Variants in SVBP observed in about 807,000 individuals in gnomAD.
SVBP encodes small vasohibin-binding protein.
A neutral mutation model predicts 9.2 loss-of-function variants in SVBP; 9 were observed. That is an observed-to-expected ratio of 0.98 (90% CI 0.59 to 1.71). SVBP has a LOEUF of 1.71. Among genes scored for constraint, SVBP ranks in the 40% most tolerant of loss-of-function variants. The probability of loss-of-function intolerance (pLI) is 0.00; values close to 1 mark genes in which losing one functional copy is unlikely to be tolerated. For missense variants in SVBP, 63 were observed against 73.2 expected, an observed-to-expected ratio of 0.86 and a Z score of 0.51; for synonymous variants, 27 against 23.9, an observed-to-expected ratio of 1.13 and a Z score of -0.37.
rs561326428 is a variant in SVBP at position 42,814,633 on chromosome 1, A to C, written c.114+1798T>G. On this transcript the variant is annotated intron_variant, in intron 2 of 2. Transcript: ENST00000372521. ...TCCGTCTCAAAAAAAAAAGAGACTCACCATCAGAGAAATGCAAATCAAAAC... is the reference window on the plus strand; with the variant it reads ...TCCGTCTCAAAAAAAAAAGAGACTCCCCATCAGAGAAATGCAAATCAAAAC... Among the ~76,000 whole-genome samples the C allele has an allele frequency of 2.6e-5, 4 of 151,990 alleles. No homozygotes were observed. The East Asian group carries it at 5.9e-4, about 22-fold the overall frequency.
intron 2 of SVBP, chr1:42,813,670 T>TGGG: frequency 1.9e-6 from 1 of 532,108 alleles, no homozygotes; most frequent in Non-Finnish European, 3.8e-6. Context: ...CCAGAGCATT[T>TGGG]GTTGTACACG....
chr1:42,817,390 G>T lies in SVBP; in HGVS notation c.-237C>A. On this transcript the variant is annotated 5_prime_UTR_variant, in exon 1 of 3. Coordinates refer to ENST00000372521, the MANE Select transcript of SVBP (RefSeq NM_199342.4). ...CTTCCGCCCGCAGGAGCGGCCGCGC[G>T]TGCGCAGAGAGGATGGCTGGAAACC... is the stretch of plus-strand genomic sequence containing the variant. 1 of 453,838 alleles carries T rather than the reference G, an allele frequency of 2.2e-6. No individual in the cohort carries two copies. Among genetic ancestry groups the T allele is most frequent in the Non-Finnish European group, 3.1e-6 (1 of 324,536 alleles). 28.1% of individuals were successfully genotyped at this position (453,838 alleles called of 1,614,324 possible). A position where few individuals can be genotyped will look rare whatever the true frequency, so the allele number is the denominator to read the frequency against.
chr1:42,808,743 C>A lies in SVBP; in HGVS notation c.115-1243G>T, dbSNP rs573053332. ...ACAGAGTCTTGCTGTGTTGTCCAGG[C>A]TGGATTGCAGTGGCATGATCTCAGC... On this transcript the variant is annotated intron_variant, in intron 2 of 2. Transcript: ENST00000372521. 2.0e-5 allele frequency among the ~76,000 whole-genome samples: 3 copies of A among 152,004 alleles called. No homozygotes were observed. In the South Asian group the frequency reaches 6.2e-4, roughly 32 times the overall value.
chr1:42,817,295 T>C lies in SVBP; in HGVS notation c.-142A>G. 1.7e-6 allele frequency: 2 copies of C among 1,188,980 alleles called. No homozygotes were observed. Among genetic ancestry groups the C allele is most frequent in the Non-Finnish European group, 2.2e-6 (2 of 922,828 alleles). The allele number at this position is 1,188,980 out of a possible 1,614,324, so 73.7% of individuals were successfully genotyped here. A position where few individuals can be genotyped will look rare whatever the true frequency, so the allele number is the denominator to read the frequency against. On this transcript the variant is annotated 5_prime_UTR_variant, in exon 1 of 3. Transcript: ENST00000372521. ...CCCGACCACTGGACCCAGCGCTGCC[T>C]GCCCACCGCCCCTCGTCCTGGGCGG...
chr1:42,813,494 T>C (rs768456603), intron 2 of SVBP: 1 of 552,042 alleles, frequency 1.8e-6, no homozygotes, highest in Non-Finnish European at 3.7e-6. Flanking sequence ...ACATCTAATC[T>C]GGATGGTTTC....
chr1:42,807,155 T>TTTTG lies in SVBP; in HGVS notation c.*258_*259insCAAA, dbSNP rs1653976097. On this transcript the variant is annotated 3_prime_UTR_variant, in exon 3 of 3. Transcript: ENST00000372521. Reference sequence around the variant, plus strand: ...TAGAAAAAGTGTTTTTTGTGTGTGTTTTTTTTTTTTTTTTAAAAAAACCCA... The same window carrying TTTTG: ...TAGAAAAAGTGTTTTTTGTGTGTGTTTTTGTTTTTTTTTTTTTTAAAAAAACCCA... 5.8e-5 allele frequency: 13 copies of TTTTG among 224,626 alleles called. No homozygotes were observed. The South Asian group carries it at 8.9e-4, about 15-fold the overall frequency. 13.9% of individuals were successfully genotyped at this position (224,626 alleles called of 1,614,324 possible). A position where few individuals can be genotyped will look rare whatever the true frequency, so the allele number is the denominator to read the frequency against.
chr1:42,807,782 A>C (rs1305576460), intron 2 of SVBP, among the ~76,000 whole-genome samples: 3 of 152,094 alleles, frequency 2.0e-5, no homozygotes, highest in Non-Finnish European at 4.4e-5. Flanking sequence ...GAGATTGAGG[A>C]ACCAGTGAAG....
At chr1:42,816,162 T>G in intron 2 of SVBP, 4 of 384,550 alleles carry the variant, frequency 1.0e-5, no homozygotes, top group Non-Finnish European at 1.4e-5. Context: ...TCCCCTTACA[T>G]ATCATTTTTT....
chr1:42,813,690 A>G lies in SVBP; in HGVS notation c.114+2741T>C. 9.4e-6 allele frequency: 5 copies of G among 533,544 alleles called. 1 individual carries two copies. The highest frequency in any genetic ancestry group is 6.9e-5 in the South Asian group (5 of 72,136). The allele number at this position is 533,544 out of a possible 1,614,324, so 33.1% of individuals were successfully genotyped here. On this transcript the variant is annotated intron_variant, in intron 2 of 2. Transcript: ENST00000372521. ...GCATTTGTTGTACACGGAAGTATAG[A>G]TAGCTCTGTTCCTCCAGTGAGAGCT... is the stretch of plus-strand genomic sequence containing the variant.
At chr1:42,815,168 T>G (rs1333382565) in intron 2 of SVBP, among the ~76,000 whole-genome samples, 10 of 129,586 alleles carry the variant, frequency 7.7e-5, no homozygotes, top group African/African-American at 3.0e-4. Context: ...AACTGAACAA[T>G]GAGAACACTT....
intron 2 of SVBP, among the ~76,000 whole-genome samples, chr1:42,815,314 A>C (rs2124254220): frequency 6.6e-6 from 1 of 151,750 alleles, no homozygotes; most frequent in South Asian, 2.1e-4. Flanking sequence ...ACATGTATAC[A>C]TATGTAACAA....
intron 2 of SVBP, among the ~76,000 whole-genome samples, chr1:42,815,061 CTT>C (rs1483404004): frequency 1.3e-5 from 2 of 152,044 alleles, no homozygotes. Flanking sequence ...AGTTCATGTC[CTT>C]TGTAGGGACA....
At chr1:42,809,100 G>C (rs76499198) in intron 2 of SVBP, 1 of 152,242 alleles carries the variant, frequency 6.6e-6, no homozygotes, top group African/African-American at 2.4e-5. Flanking sequence ...GTGATGGAAA[G>C]AAGATGGCAA....
Position 42,817,305 on chromosome 1 carries a change from C to A in SVBP, c.-152G>T. The A allele has an allele frequency of 1.7e-6, 2 of 1,190,700 alleles. No individual in the cohort carries two copies. Among genetic ancestry groups the A allele is most frequent in the Non-Finnish European group, 2.2e-6 (2 of 925,010 alleles). The allele number at this position is 1,190,700 out of a possible 1,614,324, so 73.8% of individuals were successfully genotyped here. A position where few individuals can be genotyped will look rare whatever the true frequency, so the allele number is the denominator to read the frequency against. On this transcript the variant is annotated 5_prime_UTR_variant, in exon 1 of 3. Transcript: ENST00000372521. ...GGACCCAGCGCTGCCTGCCCACCGC[C>A]CCTCGTCCTGGGCGGGGCCGCGCGC...
At position 42,807,168 on chromosome 1, in the gene SVBP, TTA is replaced by T. The variant is rs1491243901; in HGVS notation, c.*244_*245del. On this transcript the variant is annotated 3_prime_UTR_variant, in exon 3 of 3. Coordinates refer to ENST00000372521, the MANE Select transcript of SVBP (RefSeq NM_199342.4). ...TTTTGTGTGTGTTTTTTTTTTTTTT[TTA>T]AAAAAACCCAAAAAACAAAACCACT... The T allele has an allele frequency of 5.7e-5, 17 of 295,978 alleles. No individual in the cohort carries two copies. The highest frequency in any genetic ancestry group is 1.6e-4 in the South Asian group (1 of 6,360). The allele number at this position is 295,978 out of a possible 1,614,324, so 18.3% of individuals were successfully genotyped here. A position where few individuals can be genotyped will look rare whatever the true frequency, so the allele number is the denominator to read the frequency against.
intron 2 of SVBP, chr1:42,813,850 C>A (rs541709391): frequency 1.2e-4 from 41 of 329,844 alleles, no homozygotes; most frequent in Non-Finnish European, 2.3e-4. Flanking sequence ...CATCTGAGGA[C>A]CCGGATCCAG....
At chr1:42,808,182 T>TATATATATAC (rs1243399022) in intron 2 of SVBP, among the ~76,000 whole-genome samples, 4 of 130,738 alleles carry the variant, frequency 3.1e-5, no homozygotes, top group Non-Finnish European at 4.9e-5. Context: ...TATATATACA[T>TATATATATAC]ACTATGTATA....
chr1:42,809,728 C>CA (rs1654037979), intron 2 of SVBP, among the ~76,000 whole-genome samples: 1 of 152,094 alleles, frequency 6.6e-6, no homozygotes, highest in Non-Finnish European at 1.5e-5. Flanking sequence ...ATTCTTGAAA[C>CA]ACAGAATGCG....
At position 42,807,070 on chromosome 1, in the gene SVBP, T is replaced by C. The variant is rs1172636375; in HGVS notation, c.*344A>G. The C allele has an allele frequency of 5.8e-6, 1 of 173,152 alleles. No homozygotes were observed. Among genetic ancestry groups the C allele is most frequent in the Non-Finnish European group, 1.2e-5 (1 of 82,386 alleles). 10.7% of individuals were successfully genotyped at this position (173,152 alleles called of 1,614,324 possible). A position where few individuals can be genotyped will look rare whatever the true frequency, so the allele number is the denominator to read the frequency against. On this transcript the variant is annotated 3_prime_UTR_variant, in exon 3 of 3. Coordinates refer to ENST00000372521, the MANE Select transcript of SVBP (RefSeq NM_199342.4). ...GCAAATGAACATTTTATTAGTATTT[T>C]ATTTGTATTTTTGGAGAAGATATAG...
Sources: gnomAD v4.1 joint callset for allele counts (sites outside exome capture counted in the v4.1 genomes callset) on GRCh38, gnomAD v4.1.1 for gene constraint, MANE v1.5 for transcripts, NCBI Gene and HGNC (gene_info 2026-07-23, HGNC 2026-07-21) for gene names.